ASTN2: variants seen among roughly 807,000 people sequenced by gnomAD.
ASTN2 encodes the protein astrotactin 2.
In ASTN2, 54 loss-of-function variants were observed where a neutral mutation model predicts 139.8. The observed-to-expected ratio is 0.39, with a 90% CI of 0.31 to 0.48. The LOEUF is 0.48. Among genes scored for constraint, ASTN2 ranks in the 20% least tolerant of loss-of-function variants. The pLI is 0.95. For synonymous variants in ASTN2, 756 were observed against 719.5 expected, an observed-to-expected ratio of 1.05 and a Z score of -0.81; for missense variants, 1,565 against 1,725.1, an observed-to-expected ratio of 0.91 and a Z score of 1.64.
intron 3 of ASTN2, among the ~76,000 whole-genome samples, chr9:117,155,530 C>T (rs751726780): frequency 6.6e-6 from 1 of 151,486 alleles, no homozygotes; most frequent in Non-Finnish European, 1.5e-5. Flanking sequence ...GACAGAGAGG[C>T]TGTGATAGAA....
intron 10 of ASTN2, among the ~76,000 whole-genome samples, chr9:116,967,807 A>G (rs1290521226): frequency 6.6e-6 from 1 of 152,124 alleles, no homozygotes; most frequent in Non-Finnish European, 1.5e-5. Context: ...CCCCGACTCC[A>G]GCCTACTCCA....
intron 5 of ASTN2, among the ~76,000 whole-genome samples, chr9:117,058,928 G>T (rs986702476): frequency 6.6e-6 from 1 of 152,224 alleles, no homozygotes; most frequent in East Asian, 1.9e-4. Flanking sequence ...ATGAGATGGG[G>T]CTGGAGAGGT....
At chr9:117,256,799 C>G (rs1362526667) in intron 2 of ASTN2, among the ~76,000 whole-genome samples, 2 of 152,148 alleles carry the variant, frequency 1.3e-5, no homozygotes, top group Non-Finnish European at 2.9e-5. Context: ...GTTTTTCATT[C>G]AACAGCATAT....
Position 116,815,093 on chromosome 9 carries a change from G to C in ASTN2, c.2207+5524C>G, listed in dbSNP as rs557314596. On this transcript the variant is annotated intron_variant, in intron 12 of 22. Coordinates refer to ENST00000313400, the MANE Select transcript of ASTN2 (RefSeq NM_001365068.1). ...AAAGGTGGAAACCACAATAAAACAA[G>C]TGCCTGAATGAATTCCCCCATCTCC... 8.5e-5 allele frequency among the ~76,000 whole-genome samples: 13 copies of C among 152,286 alleles called. No homozygotes were observed. In the South Asian group the frequency reaches 2.1e-3, roughly 24 times the overall value.
At chr9:116,542,432 G>A (rs2119356867) in intron 19 of ASTN2, among the ~76,000 whole-genome samples, 1 of 152,196 alleles carries the variant, frequency 6.6e-6, no homozygotes, top group Admixed American at 6.5e-5. Context: ...ATCAGTTCAA[G>A]TTAATATGTT....
intron 12 of ASTN2, among the ~76,000 whole-genome samples, chr9:116,809,284 TTTAAC>T (rs1389602242): frequency 2.6e-5 from 4 of 152,226 alleles, no homozygotes; most frequent in African/African-American, 7.2e-5. Context: ...GAGTGTTTAT[TTTAAC>T]TTAACTATTT....
In ASTN2 at chr9:117,364,950, AACACACACAC is replaced by A. The variant is rs71379275; in HGVS notation, c.442+49537_442+49546del. ...CAACATAGTGAGACTCCATCTCTAC[AACACACACAC>A]ACACACACACACACACACACACACA... is the stretch of plus-strand genomic sequence containing the variant. On this transcript the variant is annotated intron_variant, in intron 1 of 22. Transcript: ENST00000313400. 2.4e-3 allele frequency among the ~76,000 whole-genome samples: 295 copies of A among 121,542 alleles called. 1 individual carries two copies. Among genetic ancestry groups the A allele is most frequent in the Middle Eastern group, 8.1e-3 (2 of 246 alleles). The allele number at this position is 121,542 out of a possible 152,430, so 79.7% of individuals were successfully genotyped here.
chr9:117,017,572 A>G (rs1009417430), intron 6 of ASTN2, among the ~76,000 whole-genome samples: 1 of 152,198 alleles, frequency 6.6e-6, no homozygotes, highest in Non-Finnish European at 1.5e-5. Context: ...AGCCTCCTGC[A>G]TTTCTTAATC....
chr9:117,380,046 C>T (rs374704382), intron 1 of ASTN2, among the ~76,000 whole-genome samples: 32 of 151,966 alleles, frequency 2.1e-4, no homozygotes, highest in African/African-American at 2.9e-4. Flanking sequence ...TTTTAGAGAA[C>T]GAGAAACAAC....
intron 19 of ASTN2, chr9:116,568,846 T>C (rs1040084509): frequency 1.3e-5 from 2 of 152,136 alleles, no homozygotes; most frequent in Admixed American, 1.3e-4. Context: ...AAGGCAACAA[T>C]TGGATGGCCT....
At chr9:116,762,848 T>C (rs1472193517) in intron 13 of ASTN2, among the ~76,000 whole-genome samples, 3 of 152,204 alleles carry the variant, frequency 2.0e-5, no homozygotes, top group Non-Finnish European at 4.4e-5. Flanking sequence ...TATTGAGGCC[T>C]TTTCAGAAAG....
intron 3 of ASTN2, among the ~76,000 whole-genome samples, chr9:117,203,527 G>A (rs1162432636): frequency 6.6e-6 from 1 of 152,014 alleles, no homozygotes; most frequent in Non-Finnish European, 1.5e-5. Flanking sequence ...TTTTGTGGGG[G>A]CCTTTGTTGT....
At position 117,144,822 on chromosome 9, in the gene ASTN2, T is replaced by C. The variant is rs377363276; in HGVS notation, c.1016-3344A>G. On this transcript the variant is annotated intron_variant, in intron 3 of 22. Transcript: ENST00000313400. ...CCAGCCTCCCGAGTAGCTGGGATTATAGGCATGCACCACCATGCCTATACT... is the reference window on the plus strand; with the variant it reads ...CCAGCCTCCCGAGTAGCTGGGATTACAGGCATGCACCACCATGCCTATACT... Among the ~76,000 whole-genome samples the C allele has an allele frequency of 1.1e-4, 16 of 151,598 alleles. No individual in the cohort carries two copies. In the East Asian group the frequency reaches 2.7e-3, roughly 26 times the overall value.
At chr9:117,074,475 G>A (rs1327461905) in intron 5 of ASTN2, among the ~76,000 whole-genome samples, 1 of 152,248 alleles carries the variant, frequency 6.6e-6, no homozygotes, top group African/African-American at 2.4e-5. Context: ...ACTCTAGGCT[G>A]ATGGAACAGC....
intron 16 of ASTN2, among the ~76,000 whole-genome samples, chr9:116,666,871 T>C (rs1858892177): frequency 6.6e-6 from 1 of 151,588 alleles, no homozygotes; most frequent in East Asian, 1.9e-4. Flanking sequence ...AAAATTAAAG[T>C]GTGGAACTAT....
At chr9:116,509,415 A>C (rs1425549118) in intron 19 of ASTN2, among the ~76,000 whole-genome samples, 1 of 152,114 alleles carries the variant, frequency 6.6e-6, no homozygotes, top group African/African-American at 2.4e-5. Flanking sequence ...TCATTGATGG[A>C]CATTTGGGTT....
chr9:116,685,512 T>G (rs868564446), intron 16 of ASTN2, among the ~76,000 whole-genome samples: 39 of 152,286 alleles, frequency 2.6e-4, no homozygotes, highest in Middle Eastern at 3.4e-3. Flanking sequence ...ATATAGGTGA[T>G]TTAAGTGTTA....
intron 19 of ASTN2, among the ~76,000 whole-genome samples, chr9:116,537,060 C>A (rs1030003475): frequency 2.0e-5 from 3 of 152,194 alleles, no homozygotes; most frequent in Non-Finnish European, 4.4e-5. Context: ...CAATGGTGGG[C>A]GCCCCTCCCC....
intron 16 of ASTN2, among the ~76,000 whole-genome samples, chr9:116,718,678 C>T (rs1297007004): frequency 3.9e-5 from 6 of 151,952 alleles, no homozygotes; most frequent in African/African-American, 7.3e-5. Context: ...TTGACCCTCC[C>T]ACCTGAATGT....
Sources: allele counts gnomAD v4.1 joint callset (sites outside exome capture counted in the v4.1 genomes callset), GRCh38; gene constraint gnomAD v4.1.1; transcripts MANE v1.5; gene names NCBI Gene and HGNC (gene_info 2026-07-23, HGNC 2026-07-21).